Variants in IFT172 observed in about 807,000 individuals in gnomAD.
The protein encoded by IFT172 is intraflagellar transport 172.
In IFT172, 164 loss-of-function variants were observed where a neutral mutation model predicts 248.9. The observed-to-expected ratio is 0.66, with a 90% CI of 0.58 to 0.75. IFT172 has a LOEUF of 0.75. Among genes scored for constraint, IFT172 ranks in the 30% least tolerant of loss-of-function variants. The pLI, the probability that IFT172 is intolerant of heterozygous loss-of-function variation, is 0.00. For missense variants in IFT172, 1,950 were observed against 2,192.4 expected, an observed-to-expected ratio of 0.89 and a Z score of 2.21; for synonymous variants, 729 against 791.6, an observed-to-expected ratio of 0.92 and a Z score of 1.33.
chr2:27,449,506 A>T lies in IFT172; in HGVS notation c.4217T>A (p.Val1406Glu), dbSNP rs1037540059. ...YKEFLKNQGK[V>E]DSLVGVDVIA... Reference sequence around the variant, plus strand: ...TAACTCTCCAAGTCTCACCGAGTCCACTTTGCCCTGATTCTTGAGGAACTC... The same window carrying T: ...TAACTCTCCAAGTCTCACCGAGTCCTCTTTGCCCTGATTCTTGAGGAACTC... The change falls in exon 38 of 48, where the codon GTG becomes GAG. Residue 1406 changes from valine (V) to glutamate (E), a missense_variant. Around this residue, in one of 3 missense-constraint regions of IFT172, gnomAD observed 620 missense variants for 699.0 expected, o/e 0.89. Transcript: ENST00000260570. 1.9e-6 allele frequency: 3 copies of T among 1,614,032 alleles called. No homozygotes were observed. Among genetic ancestry groups the T allele is most frequent in the Admixed American group, 3.3e-5 (2 of 59,996 alleles).
At position 27,476,708 on chromosome 2, in the gene IFT172, C is replaced by T. The variant is rs756980108; in HGVS notation, c.1344G>A (p.Arg448=). Reference sequence around the variant, plus strand: ...TATTATCTTCTGTTCCTCGCTGACACCTCTCATTAATACGAACACTGAAAC... The same window carrying T: ...TATTATCTTCTGTTCCTCGCTGACATCTCTCATTAATACGAACACTGAAAC... The part of the protein sequence containing the change: ...PHLISVRINE[R]CQRGTEDNKK... The change falls in exon 14 of 48, where the codon AGG becomes AGA. Residue 448 remains arginine, a synonymous_variant. Transcript: ENST00000260570. 6.2e-7 allele frequency: 1 copy of T among 1,612,480 alleles called. No individual in the cohort carries two copies. Among genetic ancestry groups the T allele is most frequent in the East Asian group, 2.2e-5 (1 of 44,848 alleles).
At position 27,458,879 on chromosome 2, in the gene IFT172, T is replaced by C. The variant is rs1267071061; in HGVS notation, c.2788-11A>G. 4 of 1,613,698 alleles carry C rather than the reference T, an allele frequency of 2.5e-6. No homozygotes were observed. The highest frequency in any genetic ancestry group is 1.7e-5 in the Admixed American group (1 of 59,918). ...GAGCTCCTCAGCAATCTGTAGTTGA[T>C]GGGAGGTAGATACAAAAGGTCAGAG... On this transcript the variant is annotated splice_polypyrimidine_tract_variant and intron_variant, in intron 25 of 47. Coordinates refer to ENST00000260570, the MANE Select transcript of IFT172 (RefSeq NM_015662.3).
chr2:27,476,940 C>A (rs1050545096), intron 13 of IFT172: 1 of 589,402 alleles, frequency 1.7e-6, no homozygotes, highest in African/African-American at 1.9e-5. Context: ...TCTCCTACCT[C>A]ACCTTCCTGA....
rs759461544 is a variant in IFT172, at chr2:27,445,919, C to T, written c.4815+10G>A. ...AACCTCCACCCTCGGGGCACAGCTT[C>T]CCTACTCACATCGGTCAGGTCCAAA... On this transcript the variant is annotated intron_variant, in intron 44 of 47. Transcript: ENST00000260570. The surrounding 1 kb of genome is among the most constrained non-coding windows in gnomAD (Gnocchi z 4.4). The T allele has an allele frequency of 1.9e-6, 3 of 1,614,092 alleles. No individual in the cohort carries two copies. The South Asian group carries it at 3.3e-5, about 18-fold the overall frequency.
In IFT172 at chr2:27,485,281, C is replaced by A. The variant is rs1237154674; in HGVS notation, c.183+79G>T. The stretch of plus-strand genomic sequence containing the variant: ...GGTATGCCATTTCCTATGCTGATGG[C>A]TAGAAGGCAGACTACGTCTTTCAAG... On this transcript the variant is annotated intron_variant, in intron 2 of 47. Transcript: ENST00000260570. 3.8e-6 allele frequency: 6 copies of A among 1,598,090 alleles called. No homozygotes were observed. In the Admixed American group the frequency reaches 6.7e-5, roughly 18 times the overall value.
At position 27,448,967 on chromosome 2, in the gene IFT172, G is replaced by T. The variant is rs1289915013; in HGVS notation, c.4376C>A (p.Ser1459Tyr). The change falls in exon 40 of 48, where the codon TCT becomes TAT. Residue 1459 changes from serine to tyrosine, a missense_variant. By Grantham distance (144) the Ser-to-Tyr change is moderately radical (BLOSUM62 -2). Transcript: ENST00000260570. Reference protein sequence around the residue: ...YATHLIREGSSAQALALYVQH... With the variant: ...YATHLIREGSYAQALALYVQH... ...TACATACAGGGCCAATGCCTGGGCAGAGCTACCCTCCCGGATCAAGTGAGT... is the reference window on the plus strand; with the variant it reads ...TACATACAGGGCCAATGCCTGGGCATAGCTACCCTCCCGGATCAAGTGAGT... 2 of 1,612,516 alleles carry T rather than the reference G, an allele frequency of 1.2e-6. No individual in the cohort carries two copies. The highest frequency in any genetic ancestry group is 1.7e-6 in the Non-Finnish European group (2 of 1,178,604).
chr2:27,458,837 C>A lies in IFT172; in HGVS notation c.2819G>T (p.Arg940Leu), dbSNP rs761248577. 1.2e-6 allele frequency: 2 copies of A among 1,614,024 alleles called. No homozygotes were observed. The highest frequency in any genetic ancestry group is 3.3e-5 in the Admixed American group (2 of 59,994). ...IAEELYTKGDRTKDAIDMYTQ... is the reference protein window; with the variant it reads ...IAEELYTKGDLTKDAIDMYTQ... Reference sequence around the variant, plus strand: ...GTACATGTCTATGGCATCTTTTGTCCGATCTCCCTTAGTATAGAGCTCCTC... The same window carrying A: ...GTACATGTCTATGGCATCTTTTGTCAGATCTCCCTTAGTATAGAGCTCCTC... Residue 940 changes from arginine to leucine, a missense_variant, in exon 26 of 48, where the codon CGG (arginine) becomes CTG (leucine). By Grantham distance (102) the Arg-to-Leu change is moderately radical. Coordinates refer to ENST00000260570, the MANE Select transcript of IFT172 (RefSeq NM_015662.3).
At chr2:27,452,052 G>A (rs760003601) in intron 35 of IFT172, among the ~76,000 whole-genome samples, 1 of 148,956 alleles carries the variant, frequency 6.7e-6, no homozygotes, top group Non-Finnish European at 1.5e-5. Context: ...CAGGGTATCC[G>A]GGTATTTGGT....
chr2:27,458,932 G>A, intron 25 of IFT172, 64 bp from the exon 26 acceptor site: 1 of 1,567,120 alleles, frequency 6.4e-7, no homozygotes, highest in Non-Finnish European at 8.7e-7. Flanking sequence ...CTTGAATGAG[G>A]AAAGAACAAA....
rs1466918902 is a variant in IFT172 at position 27,445,147 on chromosome 2, A to G, written c.5069-42T>C. Reference sequence around the variant, plus strand: ...AATGATGAACTGGGGTTTGAGAGAGATTGAGGAGGGAAAAATGAGGAGCAG... The same window carrying G: ...AATGATGAACTGGGGTTTGAGAGAGGTTGAGGAGGGAAAAATGAGGAGCAG... On this transcript the variant is annotated intron_variant, in intron 46 of 47. Coordinates refer to ENST00000260570, the MANE Select transcript of IFT172 (RefSeq NM_015662.3). This position sits in a 1 kb window ranked among gnomAD's most constrained non-coding sequence, Gnocchi z 4.4. The G allele has an allele frequency of 6.2e-7, 1 of 1,610,884 alleles. No individual in the cohort carries two copies. Among genetic ancestry groups the G allele is most frequent in the Non-Finnish European group, 8.5e-7 (1 of 1,178,316 alleles).
At chr2:27,470,776 G>T in intron 16 of IFT172, 152 bp downstream of exon 16, 1 of 652,514 alleles carries the variant, frequency 1.5e-6, no homozygotes, top group Non-Finnish European at 2.4e-6. Context: ...ATGGTTCTGG[G>T]GGCTGGTCCA....
At chr2:27,474,875 G>GA (rs887978511) in intron 14 of IFT172, among the ~76,000 whole-genome samples, 8 of 150,664 alleles carry the variant, frequency 5.3e-5, no homozygotes, top group East Asian at 1.9e-4. Flanking sequence ...TTTTTTAAGT[G>GA]AAAAAAAATG....
At chr2:27,478,234 C>A in intron 10 of IFT172, 78 bp from the exon 11 acceptor site, 1 of 1,546,450 alleles carries the variant, frequency 6.5e-7, no homozygotes, top group Non-Finnish European at 8.9e-7. Context: ...CTTTGCCCAC[C>A]TCCACAGCAC....
chr2:27,480,933 T>C lies in IFT172; in HGVS notation c.785+113A>G, dbSNP rs997865592. 1.9e-5 allele frequency: 15 copies of C among 770,882 alleles called. No homozygotes were observed. The South Asian group carries it at 2.1e-4, about 11-fold the overall frequency. 47.8% of individuals were successfully genotyped at this position (770,882 alleles called of 1,614,324 possible). On this transcript the variant is annotated intron_variant, in intron 8 of 47. Transcript: ENST00000260570. ...GGAAGAGGAAAGCGCATGAATTACA[T>C]ACATACATTTGATTCTGCTCCAGTC... is the stretch of plus-strand genomic sequence containing the variant.
intron 16 of IFT172, among the ~76,000 whole-genome samples, chr2:27,467,709 G>A (rs1379427826): frequency 6.7e-6 from 1 of 148,872 alleles, no homozygotes; most frequent in African/African-American, 2.5e-5. Flanking sequence ...TGTAAAACAA[G>A]AAATCTAACA....
chr2:27,467,664 C>CAGGA (rs1455035294), intron 16 of IFT172, among the ~76,000 whole-genome samples: 2 of 142,526 alleles, frequency 1.4e-5, no homozygotes, highest in African/African-American at 5.2e-5. Flanking sequence ...AAGCATGGAG[C>CAGGA]AGGAAGAAAG....
rs1669024199 is a variant in IFT172 at position 27,489,636 on chromosome 2, C to T, written c.18G>A (p.Leu6=). The change falls in exon 1 of 48, where the codon CTG becomes CTA. Residue 6 remains leucine, a synonymous_variant. Coordinates refer to ENST00000260570, the MANE Select transcript of IFT172 (RefSeq NM_015662.3). MHLKH[L]RTLLSPQDGA... is the part of the protein sequence containing the mutation. ...TCACCTGAGGGCTCAGCAGGGTCCT[C>T]AGGTGCTTCAAGTGCATGACGCACA... 2 of 1,612,890 alleles carry T rather than the reference C, an allele frequency of 1.2e-6. No individual in the cohort carries two copies. Among genetic ancestry groups the T allele is most frequent in the African/African-American group, 1.3e-5 (1 of 74,894 alleles).
rs1668086624 is a variant in IFT172 at position 27,477,941 on chromosome 2, A to C, written c.1167+54T>G. Reference sequence around the variant, plus strand: ...CCCCTAGGGATTTTGGGTCCCCACAAATATTAAGCCAAGATGCCCTATTCC... The same window carrying C: ...CCCCTAGGGATTTTGGGTCCCCACACATATTAAGCCAAGATGCCCTATTCC... On this transcript the variant is annotated intron_variant, in intron 11 of 47. Coordinates refer to ENST00000260570, the MANE Select transcript of IFT172 (RefSeq NM_015662.3). 4 of 1,604,612 alleles carry C rather than the reference A, an allele frequency of 2.5e-6. No homozygotes were observed. In the East Asian group the frequency reaches 8.9e-5, roughly 36 times the overall value.
chr2:27,461,031 G>C lies in IFT172; in HGVS notation c.2505C>G (p.Gly835=). The change falls in exon 23 of 48, where the codon GGC becomes GGG. Residue 835 remains glycine (G), a synonymous_variant. Coordinates refer to ENST00000260570, the MANE Select transcript of IFT172 (RefSeq NM_015662.3). Reference sequence around the variant, plus strand: ...GGCTAGTACCTTTCATGAATGCGTTGCCTTTACGGTAGCACTCCAGGGCCT... The same window carrying C: ...GGCTAGTACCTTTCATGAATGCGTTCCCTTTACGGTAGCACTCCAGGGCCT... ...PQKALECYRK[G]NAFMKAVELA... is the part of the protein sequence containing the mutation. The C allele has an allele frequency of 6.2e-7, 1 of 1,614,118 alleles. No homozygotes were observed. The highest frequency in any genetic ancestry group is 8.5e-7 in the Non-Finnish European group (1 of 1,180,020).
Sources: gnomAD v4.1 joint callset for allele counts (sites outside exome capture counted in the v4.1 genomes callset) on GRCh38, gnomAD v4.1.1 for gene constraint, gnomAD v4.1.1 regional missense constraint, Gnocchi (gnomAD v3.1) non-coding constraint, MANE v1.5 for transcripts, NCBI Gene and HGNC (gene_info 2026-07-23, HGNC 2026-07-21) for gene names.